The following ABLIM3 variants were observed in gnomAD, a reference collection of about 807,000 sequenced individuals.
ABLIM3 encodes actin binding LIM protein family member 3.
ABLIM3 carries 61 observed loss-of-function variants against 109.5 expected under a neutral mutation model. The observed-to-expected ratio is 0.56, with a 90% CI of 0.45 to 0.69. ABLIM3 has a LOEUF of 0.69. Ranked by LOEUF, ABLIM3 falls within the 30% of genes least tolerant of loss-of-function variation. The probability of loss-of-function intolerance (pLI) is 0.00; values close to 1 mark genes in which losing one functional copy is unlikely to be tolerated. For synonymous variants in ABLIM3, 300 were observed against 324.8 expected, an observed-to-expected ratio of 0.92 and a Z score of 0.82; for missense variants, 796 against 889.5, an observed-to-expected ratio of 0.89 and a Z score of 1.34.
Position 149,246,526 on chromosome 5 carries a change from T to A in ABLIM3, c.1531T>A (p.Phe511Ile), listed in dbSNP as rs1012796237. ...RFSSGGEEDD[F>I]DRSMHKLQSG... ...CTCGTCTGGAGGAGAGGAGGATGATTTTGACCGCAGCATGCACAAGGTGGG... is the reference window on the plus strand; with the variant it reads ...CTCGTCTGGAGGAGAGGAGGATGATATTGACCGCAGCATGCACAAGGTGGG... Residue 511 changes from phenylalanine (F) to isoleucine (I), a missense_variant, in exon 17 of 24, where the codon TTT becomes ATT. Phe to Ile is a conservative substitution (Grantham distance 21, BLOSUM62 0). Coordinates refer to ENST00000309868, the MANE Select transcript of ABLIM3 (RefSeq NM_014945.5). The A allele has an allele frequency of 1.9e-6, 3 of 1,614,098 alleles. No homozygotes were observed. The highest frequency in any genetic ancestry group is 1.1e-5 in the South Asian group (1 of 91,074).
intron 2 of ABLIM3, among the ~76,000 whole-genome samples, chr5:149,146,882 T>G (rs554016018): frequency 2.6e-5 from 4 of 152,350 alleles, no homozygotes; most frequent in Admixed American, 6.5e-5. Flanking sequence ...GGAATAGCAT[T>G]GAATCTATAA....
chr5:149,205,761 C>T (rs1758903525), intron 5 of ABLIM3, among the ~76,000 whole-genome samples: 1 of 152,154 alleles, frequency 6.6e-6, no homozygotes, highest in Non-Finnish European at 1.5e-5. Flanking sequence ...TTTCTGCCCC[C>T]AACTTGTACT....
chr5:149,252,699 G>T lies in ABLIM3; in HGVS notation c.1858-58G>T, dbSNP rs1754048441. 3.0e-6 allele frequency: 4 copies of T among 1,336,884 alleles called. No individual in the cohort carries two copies. The South Asian group carries it at 4.8e-5, about 16-fold the overall frequency. 82.8% of individuals were successfully genotyped at this position (1,336,884 alleles called of 1,614,324 possible). On this transcript the variant is annotated intron_variant, in intron 22 of 23. Transcript: ENST00000309868. ...GAGAGCCCAGACACAAAATGTACCT[G>T]AAAGGAACAAGCCCACCACCCTCAC...
Position 149,247,937 on chromosome 5 carries a change from T to A in ABLIM3, c.1699+8T>A. 1.2e-6 allele frequency: 2 copies of A among 1,613,088 alleles called. No homozygotes were observed. Among genetic ancestry groups the A allele is most frequent in the South Asian group, 2.2e-5 (2 of 90,976 alleles). On this transcript the variant is annotated splice_region_variant and intron_variant, in intron 18 of 23. Coordinates refer to ENST00000309868, the MANE Select transcript of ABLIM3 (RefSeq NM_014945.5). ...AGATGTCCCTCAATGGCTGTAAGCA[T>A]GGCTCTGGAAGCCCAACGGGGCGGG...
intron 7 of ABLIM3, among the ~76,000 whole-genome samples, chr5:149,214,730 C>T (rs769573376): frequency 4.6e-5 from 7 of 152,152 alleles, no homozygotes; most frequent in Non-Finnish European, 1.0e-4. Flanking sequence ...TTCCCATTTC[C>T]TCCCTAGGCC....
At chr5:149,215,602 C>T (rs956612906) in intron 7 of ABLIM3, among the ~76,000 whole-genome samples, 4 of 152,152 alleles carry the variant, frequency 2.6e-5, no homozygotes, top group East Asian at 1.9e-4. Flanking sequence ...TTGGAAGGAA[C>T]CCATTAGCAT....
chr5:149,211,686 T>G (rs952944982), intron 7 of ABLIM3, among the ~76,000 whole-genome samples: 1 of 150,900 alleles, frequency 6.6e-6, no homozygotes, highest in Non-Finnish European at 1.5e-5. Context: ...TTACCATGAG[T>G]GCTTTGTTGA....
intron 17 of ABLIM3, 93 bp downstream of exon 17, chr5:149,246,639 C>T: frequency 7.4e-7 from 1 of 1,347,596 alleles, no homozygotes; most frequent in Non-Finnish European, 1.0e-6. Flanking sequence ...GATTCAAGCC[C>T]ACTTATGATA....
At chr5:149,256,746 AAAT>A (rs1754458811) in intron 23 of ABLIM3, among the ~76,000 whole-genome samples, 1 of 152,188 alleles carries the variant, frequency 6.6e-6, no homozygotes, top group Non-Finnish European at 1.5e-5. Context: ...TAAAATAGGT[AAAT>A]GAAGCAAATG....
chr5:149,234,628 G>C (rs1011781185), intron 10 of ABLIM3, among the ~76,000 whole-genome samples: 5 of 152,206 alleles, frequency 3.3e-5, no homozygotes, highest in Non-Finnish European at 7.3e-5. Flanking sequence ...ATACTACCAT[G>C]TGGCTGTCAA....
Position 149,147,069 on chromosome 5 carries a change from T to TTCTCTCTCTCTCTCTCTCTC in ABLIM3, c.13+4962_13+4981dup, listed in dbSNP as rs200724498. ...ATATTCCTAGGGTTTCTCTCTCTCT[T>TTCTCTCTCTCTCTCTCTCTC]TCTCTCTCTCTCTCTCTCTCGCTCG... On this transcript the variant is annotated intron_variant, in intron 2 of 23. Coordinates refer to ENST00000309868, the MANE Select transcript of ABLIM3 (RefSeq NM_014945.5). 7.4e-5 allele frequency among the ~76,000 whole-genome samples: 11 copies of TTCTCTCTCTCTCTCTCTCTC among 148,738 alleles called. No homozygotes were observed. The East Asian group carries it at 1.6e-3, about 21-fold the overall frequency.
At chr5:149,247,689 G>A (rs9325136) in intron 17 of ABLIM3, 93 bp from the exon 18 acceptor site, 755,462 of 1,513,774 alleles carry the variant, frequency 0.5, 191,466 homozygotes, top group African/African-American at 0.62. Context: ...AGGCTGCTAT[G>A]GAGGATGTGA....
At chr5:149,148,257 T>A (rs1753106376) in intron 2 of ABLIM3, among the ~76,000 whole-genome samples, 1 of 152,150 alleles carries the variant, frequency 6.6e-6, no homozygotes, top group Non-Finnish European at 1.5e-5. Context: ...ATTTTGGAGA[T>A]GCTGGAGTGA....
At chr5:149,226,463 A>G (rs1004372957) in intron 8 of ABLIM3, among the ~76,000 whole-genome samples, 2 of 152,086 alleles carry the variant, frequency 1.3e-5, no homozygotes, top group East Asian at 3.9e-4. Flanking sequence ...CAGCCTGGTG[A>G]TAAAGCGAGA....
At chr5:149,158,706 A>G (rs1754065885) in intron 2 of ABLIM3, among the ~76,000 whole-genome samples, 1 of 152,210 alleles carries the variant, frequency 6.6e-6, no homozygotes, top group Non-Finnish European at 1.5e-5. Flanking sequence ...AGCTAAAATT[A>G]CACAGCTTCT....
intron 6 of ABLIM3, among the ~76,000 whole-genome samples, chr5:149,210,493 A>G (rs1029568074): frequency 1.3e-5 from 2 of 152,202 alleles, no homozygotes; most frequent in Non-Finnish European, 2.9e-5. Context: ...CCAAGTGATA[A>G]ACATTGGGTA....
At position 149,259,855 on chromosome 5, in the gene ABLIM3, G is replaced by GA; in HGVS notation, c.*1452dup. On this transcript the variant is annotated 3_prime_UTR_variant, in exon 24 of 24. Coordinates refer to ENST00000309868, the MANE Select transcript of ABLIM3 (RefSeq NM_014945.5). The stretch of plus-strand genomic sequence containing the variant: ...GATGTGACATGGCAAATGTAGAACT[G>GA]ACTTAAATTGAACAAACCCTCACTG... 1 of 492,434 alleles carries GA rather than the reference G, an allele frequency of 2.0e-6. No individual in the cohort carries two copies. The highest frequency in any genetic ancestry group is 3.7e-6 in the Non-Finnish European group (1 of 271,480). 30.5% of individuals were successfully genotyped at this position (492,434 alleles called of 1,614,324 possible).
At chr5:149,242,947 T>A (rs60501669) in intron 15 of ABLIM3, among the ~76,000 whole-genome samples, 6,155 of 152,204 alleles carry the variant, frequency 0.04, 429 homozygotes, top group African/African-American at 0.14. Flanking sequence ...TCGAATTCTG[T>A]ATGTGTCACG....
chr5:149,177,339 T>C (rs969538309), intron 2 of ABLIM3, among the ~76,000 whole-genome samples: 1 of 152,220 alleles, frequency 6.6e-6, no homozygotes, highest in Non-Finnish European at 1.5e-5. Context: ...ATAATCTCCC[T>C]ATCAGAGTTT....
Sources: allele counts gnomAD v4.1 joint callset (sites outside exome capture counted in the v4.1 genomes callset), GRCh38; gene constraint gnomAD v4.1.1; transcripts MANE v1.5; gene names NCBI Gene and HGNC (gene_info 2026-07-23, HGNC 2026-07-21).